The following ANKRD17 variants were observed in gnomAD, a reference collection of about 807,000 sequenced individuals.
The protein encoded by ANKRD17 is ankyrin repeat domain-containing protein 17.
Under a neutral mutation model 229.7 loss-of-function variants are expected in ANKRD17, and 19 were observed. The ratio of observed to expected loss-of-function variants is 0.08; its 90% confidence interval spans 0.06 to 0.12. ANKRD17 has a LOEUF of 0.12. Ranked by LOEUF, ANKRD17 falls within the 10% of genes least tolerant of loss-of-function variation. The pLI is 1.00. For missense variants in ANKRD17, 2,176 were observed against 3,176.8 expected (o/e 0.68, Z 7.57); for synonymous variants, 1,112 against 1,146.1 (o/e 0.97, Z 0.60).
chr4:73,152,863 T>C lies in ANKRD17; in HGVS notation c.1234+1017A>G, dbSNP rs1264739509. Reference sequence around the variant, plus strand: ...ACTAAGGGACCTCAGCTGTGCTCCCTATCTGAAAATCTATTAACATCAGAT... The same window carrying C: ...ACTAAGGGACCTCAGCTGTGCTCCCCATCTGAAAATCTATTAACATCAGAT... On this transcript the variant is annotated intron_variant, in intron 6 of 33. Transcript: ENST00000358602. Among the ~76,000 whole-genome samples, 4 of 152,214 alleles carry C rather than the reference T, an allele frequency of 2.6e-5. No individual in the cohort carries two copies. The East Asian group carries it at 7.7e-4, about 29-fold the overall frequency.
chr4:73,226,212 T>C (rs555799268), intron 1 of ANKRD17, among the ~76,000 whole-genome samples: 1 of 151,880 alleles, frequency 6.6e-6, no homozygotes, highest in East Asian at 2.0e-4. Flanking sequence ...CCTGACCTAG[T>C]GATCTGCCTG....
chr4:73,210,926 TAC>T (rs1327039433), intron 1 of ANKRD17, among the ~76,000 whole-genome samples: 1 of 152,140 alleles, frequency 6.6e-6, no homozygotes, highest in African/African-American at 2.4e-5. Context: ...GTATATTACA[TAC>T]ATTTTTCTGT....
chr4:73,249,843 G>A (rs13102697), intron 1 of ANKRD17, among the ~76,000 whole-genome samples: 54,543 of 152,112 alleles, frequency 0.36, 10,384 homozygotes, highest in South Asian at 0.45. Context: ...GAGACAGAGC[G>A]AGACTTCGTC....
chr4:73,184,327 G>A (rs1158400219), intron 1 of ANKRD17, among the ~76,000 whole-genome samples: 2 of 151,870 alleles, frequency 1.3e-5, no homozygotes, highest in Non-Finnish European at 1.5e-5. Context: ...TCAGGAGTTC[G>A]AGACCAGCCT....
chr4:73,119,317 C>T (rs1578106496), intron 21 of ANKRD17, among the ~76,000 whole-genome samples: 2 of 152,242 alleles, frequency 1.3e-5, no homozygotes, highest in East Asian at 3.9e-4. Flanking sequence ...CAGAATTATA[C>T]TACACAAACA....
Position 73,140,038 on chromosome 4 carries a change from G to T in ANKRD17, c.2578C>A (p.Gln860Lys). The change falls in exon 15 of 34, where the codon CAG (glutamine) becomes AAG (lysine). Residue 860 changes from glutamine (Q) to lysine (K), a missense_variant. Physicochemically the swap from Gln to Lys is moderately conservative, Grantham distance 53. Transcript: ENST00000358602. ...TCCTCCAAAATCTTTTGTTTCTTCT[G>T]AATTTGTTCCTCCCTTGTTTTGTTG... ...ELNKTREEQI[Q>K]KKQKILEELQ... 6.2e-7 allele frequency: 1 copy of T among 1,614,146 alleles called. No individual in the cohort carries two copies. Among genetic ancestry groups the T allele is most frequent in the Non-Finnish European group, 8.5e-7 (1 of 1,180,026 alleles).
intron 14 of ANKRD17, 86 bp downstream of exon 14, chr4:73,141,655 C>T: frequency 7.6e-7 from 1 of 1,311,092 alleles, no homozygotes; most frequent in Non-Finnish European, 1.1e-6. Context: ...TAGTAAACTT[C>T]TTTGTTTGTA....
At chr4:73,191,161 T>C (rs1204545308) in intron 1 of ANKRD17, among the ~76,000 whole-genome samples, 1 of 151,958 alleles carries the variant, frequency 6.6e-6, no homozygotes, top group Non-Finnish European at 1.5e-5. Flanking sequence ...TCAAATATAA[T>C]ATAAAATGAC....
chr4:73,129,991 T>C (rs1382167231), intron 16 of ANKRD17, among the ~76,000 whole-genome samples: 1 of 151,988 alleles, frequency 6.6e-6, no homozygotes. Flanking sequence ...GGTCTCGAAC[T>C]CCTGACCTCA....
chr4:73,079,426 T>C (rs1464755881), intron 30 of ANKRD17, among the ~76,000 whole-genome samples: 1 of 152,184 alleles, frequency 6.6e-6, no homozygotes, highest in East Asian at 1.9e-4. Flanking sequence ...AGAGTCTTGC[T>C]CCATTGTCCA....
chr4:73,096,585 CAA>C (rs929949434), intron 27 of ANKRD17, among the ~76,000 whole-genome samples: 1 of 152,130 alleles, frequency 6.6e-6, no homozygotes, highest in African/African-American at 2.4e-5. Flanking sequence ...AATAAGTTAT[CAA>C]AGAGTGACAA....
At chr4:73,205,586 CA>C (rs1319240198) in intron 1 of ANKRD17, among the ~76,000 whole-genome samples, 1 of 152,096 alleles carries the variant, frequency 6.6e-6, no homozygotes, top group African/African-American at 2.4e-5. Flanking sequence ...ATACAAAACT[CA>C]ACTCACAATG....
intron 16 of ANKRD17, among the ~76,000 whole-genome samples, chr4:73,127,114 T>C (rs1727574679): frequency 6.6e-6 from 1 of 152,186 alleles, no homozygotes; most frequent in Admixed American, 6.5e-5. Context: ...AGATACAAAT[T>C]GAGTATTTCC....
chr4:73,122,602 A>G (rs1461603723), intron 18 of ANKRD17, among the ~76,000 whole-genome samples: 5 of 152,154 alleles, frequency 3.3e-5, no homozygotes, highest in Admixed American at 3.3e-4. Flanking sequence ...AGAGAAGTCA[A>G]GACTGGCTCA....
intron 6 of ANKRD17, among the ~76,000 whole-genome samples, chr4:73,153,204 G>A (rs1442076082): frequency 6.6e-6 from 1 of 152,098 alleles, no homozygotes. Context: ...TTGATGCCTA[G>A]GGGTCAAGAA....
chr4:73,082,549 T>G (rs1721683591), intron 30 of ANKRD17, among the ~76,000 whole-genome samples: 1 of 151,950 alleles, frequency 6.6e-6, no homozygotes, highest in African/African-American at 2.4e-5. Context: ...TAAAATTACA[T>G]GAAAAGAAAG....
chr4:73,146,626 A>G, intron 10 of ANKRD17, 138 bp downstream of exon 10: 1 of 648,982 alleles, frequency 1.5e-6, no homozygotes, highest in Non-Finnish European at 2.4e-6. Flanking sequence ...ACTAAGTGAG[A>G]GAAAGAATGG....
intron 1 of ANKRD17, among the ~76,000 whole-genome samples, chr4:73,249,049 T>C (rs1744751604): frequency 6.6e-6 from 1 of 152,156 alleles, no homozygotes; most frequent in Non-Finnish European, 1.5e-5. Context: ...ATCTTCACAT[T>C]TAGGTTGACA....
chr4:73,252,406 A>G (rs372320023), intron 1 of ANKRD17, among the ~76,000 whole-genome samples: 18 of 152,338 alleles, frequency 1.2e-4, no homozygotes, highest in Non-Finnish European at 1.2e-4. Context: ...CTGCTTAGTT[A>G]GAAGCAGTTT....
Sources: allele counts gnomAD v4.1 joint callset (sites outside exome capture counted in the v4.1 genomes callset), GRCh38; gene constraint gnomAD v4.1.1; transcripts MANE v1.5; gene names NCBI Gene and HGNC (gene_info 2026-07-23, HGNC 2026-07-21).